SAMMSON: variants seen among roughly 807,000 people sequenced by gnomAD.
SAMMSON encodes long intergenic non-protein coding RNA 1212.
At chr3:70,288,031 T>G (rs1396231051) in intron 6 of SAMMSON, among the ~76,000 whole-genome samples, 13 of 151,942 alleles carry the variant, frequency 8.6e-5, no homozygotes, top group African/African-American at 3.1e-4. Flanking sequence ...ATTAATTTTT[T>G]GAAGGGTTTT....
chr3:70,347,255 T>A (rs1487882422), intron 7 of SAMMSON, among the ~76,000 whole-genome samples: 1 of 152,240 alleles, frequency 6.6e-6, no homozygotes, highest in African/African-American at 2.4e-5. Flanking sequence ...TAGGTTAGAT[T>A]TTATTTAAGC....
intron 3 of SAMMSON, among the ~76,000 whole-genome samples, chr3:70,041,624 T>G (rs1027370005): frequency 4.0e-5 from 6 of 151,564 alleles, no homozygotes; most frequent in African/African-American, 1.5e-4. Context: ...TTAAAAAATT[T>G]GAAAAAAATA....
chr3:70,416,252 T>G (rs1701263876), intron 2 of SAMMSON, among the ~76,000 whole-genome samples: 1 of 152,220 alleles, frequency 6.6e-6, no homozygotes, highest in Non-Finnish European at 1.5e-5. Context: ...AGCTTTTTCT[T>G]ATGAAATAGC....
chr3:70,352,107 TG>T, intron 7 of SAMMSON, among the ~76,000 whole-genome samples: 1 of 77,140 alleles, frequency 1.3e-5, no homozygotes, highest in Non-Finnish European at 3.1e-5. Context: ...CTTCTCAATC[TG>T]GCAAAAAAAA....
At chr3:70,163,735 A>G (rs1269287382) in intron 4 of SAMMSON, among the ~76,000 whole-genome samples, 1 of 152,022 alleles carries the variant, frequency 6.6e-6, no homozygotes, top group Admixed American at 6.6e-5. Flanking sequence ...GGAAATTAGT[A>G]AAAAGAAGAA....
exon 2 of SAMMSON, chr3:70,012,375 C>G (rs1221235883): frequency 1.3e-5 from 2 of 151,798 alleles, no homozygotes; most frequent in East Asian, 3.9e-4. Context: ...AATGTCATCA[C>G]AAGGGTGCTT....
At chr3:70,407,132 C>T (rs150918157) in intron 2 of SAMMSON, among the ~76,000 whole-genome samples, 8 of 152,248 alleles carry the variant, frequency 5.3e-5, no homozygotes, top group African/African-American at 1.7e-4. Context: ...GGGGGAACCA[C>T]CCCCATGACT....
chr3:70,400,826 G>C (rs1163619676), intron 2 of SAMMSON, among the ~76,000 whole-genome samples: 3 of 152,106 alleles, frequency 2.0e-5, no homozygotes, highest in African/African-American at 7.2e-5. Context: ...CAGCTACTCA[G>C]GAGGCTGAGG....
chr3:70,129,910 G>A (rs7429651), intron 4 of SAMMSON, among the ~76,000 whole-genome samples: 18,786 of 152,124 alleles, frequency 0.12, 1,188 homozygotes, highest in East Asian at 0.21. Flanking sequence ...ACAACATGAT[G>A]TTTTGATATA....
chr3:70,331,821 A>C (rs1453406549), intron 7 of SAMMSON, among the ~76,000 whole-genome samples: 1 of 152,234 alleles, frequency 6.6e-6, no homozygotes, highest in Non-Finnish European at 1.5e-5. Context: ...TCATATTCAG[A>C]TAATGGCACA....
At chr3:70,334,190 T>C (rs1702645759) in intron 7 of SAMMSON, among the ~76,000 whole-genome samples, 1 of 152,334 alleles carries the variant, frequency 6.6e-6, no homozygotes, top group South Asian at 2.1e-4. Flanking sequence ...TTCTGCTATT[T>C]AGGGAATGAG....
chr3:70,218,576 G>T (rs1456030945), intron 4 of SAMMSON, among the ~76,000 whole-genome samples: 1 of 152,086 alleles, frequency 6.6e-6, no homozygotes, highest in Non-Finnish European at 1.5e-5. Context: ...GGCCTGAGTA[G>T]ACTTTTCCTC....
At chr3:70,014,964 C>T (rs1200257906) in intron 3 of SAMMSON, 2 of 152,086 alleles carry the variant, frequency 1.3e-5, no homozygotes, top group Non-Finnish European at 2.9e-5. Flanking sequence ...TAAGTTAAGA[C>T]AAAAAGAGCA....
At chr3:70,265,589 AT>A (rs1321530371) in intron 6 of SAMMSON, among the ~76,000 whole-genome samples, 4 of 152,198 alleles carry the variant, frequency 2.6e-5, no homozygotes, top group Non-Finnish European at 4.4e-5. Context: ...TGCTTCATTA[AT>A]ATTTTTTCAA....
chr3:70,304,620 C>T (rs977491840), intron 7 of SAMMSON, among the ~76,000 whole-genome samples: 1 of 152,206 alleles, frequency 6.6e-6, no homozygotes, highest in Non-Finnish European at 1.5e-5. Context: ...TCTAACTTTG[C>T]ATAGACCTAA....
chr3:70,231,126 G>A (rs1055787376), intron 4 of SAMMSON, among the ~76,000 whole-genome samples: 1 of 152,136 alleles, frequency 6.6e-6, no homozygotes, highest in African/African-American at 2.4e-5. Flanking sequence ...AACACACAAG[G>A]GCATTTTCGT....
chr3:70,225,306 T>C (rs977608802), intron 4 of SAMMSON, among the ~76,000 whole-genome samples: 1 of 152,246 alleles, frequency 6.6e-6, no homozygotes, highest in Admixed American at 6.5e-5. Flanking sequence ...ATTATAATTA[T>C]ATGTCTTCCT....
chr3:70,054,994 A>G (rs1426202199), intron 3 of SAMMSON, among the ~76,000 whole-genome samples: 2 of 152,176 alleles, frequency 1.3e-5, no homozygotes, highest in Non-Finnish European at 2.9e-5. Flanking sequence ...TTGAAATGCT[A>G]TTTGATGATG....
At chr3:70,117,998 AC>A (rs2106664937) in intron 4 of SAMMSON, among the ~76,000 whole-genome samples, 1 of 152,018 alleles carries the variant, frequency 6.6e-6, no homozygotes, top group African/African-American at 2.4e-5. Flanking sequence ...GCTCACTGCA[AC>A]CTCCACCTCC....
Sources: allele counts gnomAD v4.1 joint callset (sites outside exome capture counted in the v4.1 genomes callset), GRCh38; gene constraint gnomAD v4.1.1; transcripts MANE v1.5; gene names NCBI Gene and HGNC (gene_info 2026-07-23, HGNC 2026-07-21).